Variants in ANKHD1 observed in about 807,000 individuals in gnomAD.
ANKHD1 encodes the protein ankyrin repeat and KH domain-containing protein 1.
In ANKHD1, 31 loss-of-function variants were observed where a neutral mutation model predicts 230.5. The observed-to-expected ratio is 0.13, with a 90% confidence interval of 0.10 to 0.18. The LOEUF (loss-of-function observed/expected upper bound fraction) is 0.18. ANKHD1 is among the 10% of genes least tolerant of loss of function. The probability of loss-of-function intolerance (pLI) is 1.00; values close to 1 mark genes in which losing one functional copy is unlikely to be tolerated. For missense variants in ANKHD1, 2,256 were observed against 3,071.3 expected (o/e 0.73, Z 6.27); for synonymous variants, 1,074 against 1,117.6 (o/e 0.96, Z 0.78).
chr5:140,457,478 G>T (rs1775289661), intron 7 of ANKHD1, among the ~76,000 whole-genome samples: 1 of 152,172 alleles, frequency 6.6e-6, no homozygotes, highest in Non-Finnish European at 1.5e-5. Context: ...TGATAGACTG[G>T]ATTAAGAAAA....
At chr5:140,414,877 T>A (rs951048576) in intron 1 of ANKHD1, among the ~76,000 whole-genome samples, 3 of 152,002 alleles carry the variant, frequency 2.0e-5, no homozygotes, top group African/African-American at 7.2e-5. Context: ...TTTTATTGTT[T>A]AGTTGTAGGA....
intron 22 of ANKHD1, among the ~76,000 whole-genome samples, chr5:140,511,184 T>A (rs556782491): frequency 2.0e-5 from 3 of 152,290 alleles, no homozygotes; most frequent in Admixed American, 2.0e-4. Context: ...GCTGTATTTT[T>A]AAAAGCCTTC....
chr5:140,489,813 G>A (rs1169593712), intron 14 of ANKHD1, among the ~76,000 whole-genome samples: 1 of 152,080 alleles, frequency 6.6e-6, no homozygotes, highest in East Asian at 1.9e-4. Flanking sequence ...AGATCACTTG[G>A]GCACTTGCTA....
intron 5 of ANKHD1, among the ~76,000 whole-genome samples, chr5:140,443,943 T>C (rs1003053962): frequency 6.6e-6 from 1 of 152,146 alleles, no homozygotes; most frequent in Non-Finnish European, 1.5e-5. Context: ...TCTTCTGTGC[T>C]GAGGAACTTC....
intron 7 of ANKHD1, among the ~76,000 whole-genome samples, chr5:140,451,418 G>C (rs1202400406): frequency 6.6e-6 from 1 of 152,084 alleles, no homozygotes; most frequent in Non-Finnish European, 1.5e-5. Flanking sequence ...ATCTGTTTTT[G>C]GCATATATCA....
At chr5:140,537,861 G>A (rs1472950876) in intron 31 of ANKHD1, among the ~76,000 whole-genome samples, 4 of 152,230 alleles carry the variant, frequency 2.6e-5, no homozygotes, top group Admixed American at 2.0e-4. Context: ...CTTTCAGAGA[G>A]TACTTAATCT....
intron 29 of ANKHD1, among the ~76,000 whole-genome samples, chr5:140,532,590 C>T (rs189228856): frequency 6.6e-6 from 1 of 152,178 alleles, no homozygotes; most frequent in Admixed American, 6.5e-5. Flanking sequence ...GTGTGAGCCA[C>T]CATGCCCAGC....
intron 22 of ANKHD1, among the ~76,000 whole-genome samples, chr5:140,511,520 A>G (rs1752769215): frequency 6.6e-6 from 1 of 152,166 alleles, no homozygotes; most frequent in South Asian, 2.1e-4. Context: ...TTTCTCTTTT[A>G]TAGTTGAGTT....
At position 140,504,322 on chromosome 5, in the gene ANKHD1, G is replaced by T. The variant is rs369720086; in HGVS notation, c.3005-499G>T. 2.6e-5 allele frequency among the ~76,000 whole-genome samples: 4 copies of T among 152,378 alleles called. No homozygotes were observed. The East Asian group carries it at 7.7e-4, about 29-fold the overall frequency. On this transcript the variant is annotated intron_variant, in intron 15 of 33. Transcript: ENST00000360839. The stretch of plus-strand genomic sequence containing the variant: ...CCGCCTCGGCCTCCCAAAGTGCTGG[G>T]ATTACAGGCGTGGGCCACTGCGCCC...
chr5:140,402,332 G>A, intron 1 of ANKHD1, 59 bp downstream of exon 1: 1 of 1,396,298 alleles, frequency 7.2e-7, no homozygotes, highest in Non-Finnish European at 9.3e-7. Context: ...TCTTTGGGTA[G>A]GCTCTGGGCC....
intron 17 of ANKHD1, 21 bp from the exon 18 acceptor site, chr5:140,505,703 G>C: frequency 6.4e-7 from 1 of 1,574,222 alleles, no homozygotes; most frequent in Non-Finnish European, 8.6e-7. Flanking sequence ...ATTTGTTTAA[G>C]ATTTTCATTT....
intron 7 of ANKHD1, among the ~76,000 whole-genome samples, chr5:140,451,681 G>T (rs1009616408): frequency 5.9e-5 from 9 of 151,962 alleles, no homozygotes; most frequent in African/African-American, 2.2e-4. Context: ...GCTAATTTTT[G>T]TATTTTTTGT....
Position 140,401,869 on chromosome 5 carries a change from G to A in ANKHD1, c.-99G>A. 1 of 1,444,212 alleles carries A rather than the reference G, an allele frequency of 6.9e-7. No individual in the cohort carries two copies. Among genetic ancestry groups the A allele is most frequent in the Non-Finnish European group, 9.1e-7 (1 of 1,103,340 alleles). The allele number at this position is 1,444,212 out of a possible 1,614,324, so 89.5% of individuals were successfully genotyped here. A position where few individuals can be genotyped will look rare whatever the true frequency, so the allele number is the denominator to read the frequency against. ...AGTGGCGCTGCTGGGACGGGGGAAA[G>A]GAGACGCTTCTTCCTCTTGCTGCTC... On this transcript the variant is annotated 5_prime_UTR_variant, in exon 1 of 34. Coordinates refer to ENST00000360839, the MANE Select transcript of ANKHD1 (RefSeq NM_017747.3).
intron 6 of ANKHD1, 74 bp downstream of exon 6, chr5:140,446,049 G>A: frequency 7.3e-7 from 1 of 1,362,606 alleles, no homozygotes. Context: ...GAGTATTTGA[G>A]TTTACTTTAT....
At chr5:140,419,332 GT>G (rs1333060895) in intron 1 of ANKHD1, among the ~76,000 whole-genome samples, 2 of 146,122 alleles carry the variant, frequency 1.4e-5, no homozygotes, top group African/African-American at 5.1e-5. Context: ...CTATGTGTTT[GT>G]TTTTTCTTTT....
At chr5:140,409,287 A>G (rs1232578083) in intron 1 of ANKHD1, among the ~76,000 whole-genome samples, 2 of 152,198 alleles carry the variant, frequency 1.3e-5, no homozygotes, top group Admixed American at 6.5e-5. Context: ...ACTGCTGTAA[A>G]TTTTCTATGG....
intron 1 of ANKHD1, among the ~76,000 whole-genome samples, chr5:140,419,792 T>G (rs13174336): frequency 1.6e-4 from 10 of 61,210 alleles, no homozygotes; most frequent in Non-Finnish European, 3.1e-4. Context: ...CTTTCTTTCT[T>G]TCTTTCTTTC....
At chr5:140,521,234 C>T (rs564194036) in intron 24 of ANKHD1, among the ~76,000 whole-genome samples, 30 of 151,960 alleles carry the variant, frequency 2.0e-4, no homozygotes, top group African/African-American at 6.3e-4. Flanking sequence ...AAAAAAACTT[C>T]GTAAGCTAAA....
chr5:140,467,293 C>T (rs1332980030), intron 10 of ANKHD1, among the ~76,000 whole-genome samples: 1 of 152,062 alleles, frequency 6.6e-6, no homozygotes, highest in Non-Finnish European at 1.5e-5. Flanking sequence ...TTTACCTTTT[C>T]TTATTTTGAA....
Sources: gnomAD v4.1 joint callset for allele counts (sites outside exome capture counted in the v4.1 genomes callset) on GRCh38, gnomAD v4.1.1 for gene constraint, MANE v1.5 for transcripts, NCBI Gene and HGNC (gene_info 2026-07-23, HGNC 2026-07-21) for gene names.